ELOVL5: variants seen among roughly 807,000 people sequenced by gnomAD.
ELOVL5 encodes the protein very long chain fatty acid elongase 5.
ELOVL5 carries 8 observed loss-of-function variants against 38.6 expected under a neutral mutation model. The ratio of observed to expected loss-of-function variants is 0.21; its 90% CI spans 0.12 to 0.37. The LOEUF is 0.37. Ranked by LOEUF, ELOVL5 falls within the 10% of genes least tolerant of loss-of-function variation. The pLI, the probability that ELOVL5 is intolerant of heterozygous loss-of-function variation, is 1.00. For missense variants in ELOVL5, 280 were observed against 367.8 expected, an observed-to-expected ratio of 0.76 and a Z score of 1.95; for synonymous variants, 127 against 133.7, an observed-to-expected ratio of 0.95 and a Z score of 0.34.
At chr6:53,306,128 G>C (rs1023805364) in intron 1 of ELOVL5, among the ~76,000 whole-genome samples, 1 of 149,932 alleles carries the variant, frequency 6.7e-6, no homozygotes, top group African/African-American at 2.5e-5. Context: ...CAGGCAGGGA[G>C]GTTGCAGTGA....
chr6:53,276,747 A>C (rs1426035904), intron 3 of ELOVL5, among the ~76,000 whole-genome samples: 4 of 152,094 alleles, frequency 2.6e-5, no homozygotes, highest in Non-Finnish European at 5.9e-5. Context: ...TGTATGTCTA[A>C]CAAGGTCCAG....
intron 1 of ELOVL5, among the ~76,000 whole-genome samples, chr6:53,346,141 T>G (rs971737638): frequency 1.3e-5 from 2 of 152,120 alleles, no homozygotes; most frequent in African/African-American, 4.8e-5. Flanking sequence ...GACTCCCACT[T>G]ATGAGTGAGA....
intron 1 of ELOVL5, among the ~76,000 whole-genome samples, chr6:53,330,331 C>A (rs767101245): frequency 6.6e-6 from 1 of 152,032 alleles, no homozygotes; most frequent in Non-Finnish European, 1.5e-5. Context: ...ATAGACGTTG[C>A]TCTGGATGAG....
chr6:53,331,832 A>C (rs1768817263), intron 1 of ELOVL5, among the ~76,000 whole-genome samples: 1 of 152,210 alleles, frequency 6.6e-6, no homozygotes, highest in South Asian at 2.1e-4. Flanking sequence ...TATCTGAGAC[A>C]GGGTAATTTA....
At chr6:53,298,471 C>A (rs188435254) in intron 1 of ELOVL5, among the ~76,000 whole-genome samples, 8 of 152,186 alleles carry the variant, frequency 5.3e-5, no homozygotes, top group Non-Finnish European at 8.8e-5. Flanking sequence ...GGGTTTGAAA[C>A]CCCCCATTTT....
chr6:53,309,165 C>G (rs962830311), intron 1 of ELOVL5, among the ~76,000 whole-genome samples: 5 of 152,148 alleles, frequency 3.3e-5, no homozygotes, highest in African/African-American at 1.2e-4. Context: ...GTCTATAAAG[C>G]TCTGTGAGAA....
intron 1 of ELOVL5, among the ~76,000 whole-genome samples, chr6:53,312,289 C>T (rs554410651): frequency 7.2e-4 from 110 of 152,238 alleles, no homozygotes; most frequent in African/African-American, 2.5e-3. Flanking sequence ...AAACTAGAAA[C>T]AAACAAGATA....
rs1765808199 is a variant in ELOVL5 at position 53,268,309 on chromosome 6, TA to T, written c.*817del. Reference sequence around the variant, plus strand: ...CAAAATTGACTTTTTGTTTGCTGTATAAAAACACTTAGCACTTCAGAAATTA... The same window carrying T: ...CAAAATTGACTTTTTGTTTGCTGTATAAAACACTTAGCACTTCAGAAATTA... On this transcript the variant is annotated 3_prime_UTR_variant, in exon 8 of 8. Coordinates refer to ENST00000304434, the MANE Select transcript of ELOVL5 (RefSeq NM_021814.5). 1 of 152,150 alleles carries T rather than the reference TA, an allele frequency of 6.6e-6. No individual in the cohort carries two copies. The highest frequency in any genetic ancestry group is 1.5e-5 in the Non-Finnish European group (1 of 68,028). 9.4% of individuals were successfully genotyped at this position (152,150 alleles called of 1,614,324 possible).
chr6:53,293,771 A>G (rs1380538030), intron 2 of ELOVL5, among the ~76,000 whole-genome samples: 3 of 152,158 alleles, frequency 2.0e-5, no homozygotes, highest in Non-Finnish European at 2.9e-5. Flanking sequence ...TGTACACACT[A>G]AACTTTCCCA....
At chr6:53,282,862 C>A (rs564508286) in intron 3 of ELOVL5, among the ~76,000 whole-genome samples, 1 of 152,006 alleles carries the variant, frequency 6.6e-6, no homozygotes, top group South Asian at 2.1e-4. Flanking sequence ...TTTAGGAAAG[C>A]CTGAAGGGAA....
At chr6:53,324,493 T>G (rs1370279926) in intron 1 of ELOVL5, among the ~76,000 whole-genome samples, 1 of 151,134 alleles carries the variant, frequency 6.6e-6, no homozygotes, top group Admixed American at 6.6e-5. Context: ...CTGGGCAACA[T>G]GGAGAAACCC....
chr6:53,330,448 ATTTTAAAATTTT>A (rs1395157841), intron 1 of ELOVL5, among the ~76,000 whole-genome samples: 7 of 130,562 alleles, frequency 5.4e-5, no homozygotes, highest in Non-Finnish European at 1.0e-4. Context: ...CACTAAATTT[ATTTTAAAATTTT>A]TTCTTCCTCA....
At chr6:53,274,866 C>G (rs147618754) in intron 5 of ELOVL5, among the ~76,000 whole-genome samples, 1 of 152,258 alleles carries the variant, frequency 6.6e-6, no homozygotes, top group South Asian at 2.1e-4. Context: ...TAATATGTCC[C>G]CAGTGGTATC....
At chr6:53,302,253 A>G (rs1192462045) in intron 1 of ELOVL5, among the ~76,000 whole-genome samples, 1 of 152,236 alleles carries the variant, frequency 6.6e-6, no homozygotes, top group Non-Finnish European at 1.5e-5. Flanking sequence ...GCCCAGGTGA[A>G]TCACGTGTGG....
At chr6:53,282,105 A>G (rs913316538) in intron 3 of ELOVL5, among the ~76,000 whole-genome samples, 4 of 152,190 alleles carry the variant, frequency 2.6e-5, no homozygotes, top group Non-Finnish European at 5.9e-5. Flanking sequence ...TAAGCATTAG[A>G]TTAGTTAGCC....
chr6:53,309,775 C>A (rs1206561505), intron 1 of ELOVL5, among the ~76,000 whole-genome samples: 6 of 152,176 alleles, frequency 3.9e-5, no homozygotes, highest in African/African-American at 1.4e-4. Context: ...GCAAACAGTC[C>A]TAGGGAGAGG....
At position 53,273,229 on chromosome 6, in the gene ELOVL5, C is replaced by A; in HGVS notation, c.612G>T (p.Gln204His). ...PYLWWKKYIT[Q>H]GQLLQFVLTI... ...AGGCCAAGTCACTCACCAGCTGCCC[C>A]TGAGTGATGTACTTCTTCCACCAGA... The change falls in exon 6 of 8, where the codon CAG becomes CAT. Residue 204 changes from glutamine to histidine, a missense_variant. By Grantham distance (24) the Gln-to-His change is conservative (BLOSUM62 0). Transcript: ENST00000304434. 1 of 1,613,674 alleles carries A rather than the reference C, an allele frequency of 6.2e-7. No individual in the cohort carries two copies. The highest frequency in any genetic ancestry group is 2.2e-5 in the East Asian group (1 of 44,856).
At chr6:53,311,373 G>C (rs1379776931) in intron 1 of ELOVL5, among the ~76,000 whole-genome samples, 6 of 152,204 alleles carry the variant, frequency 3.9e-5, no homozygotes, top group African/African-American at 1.4e-4. Flanking sequence ...TCAGGCGCTT[G>C]CTGTTGGCGG....
chr6:53,327,220 G>A (rs1276278251), intron 1 of ELOVL5, among the ~76,000 whole-genome samples: 3 of 152,070 alleles, frequency 2.0e-5, no homozygotes, highest in African/African-American at 7.2e-5. Flanking sequence ...CAGGCTGGAA[G>A]CTATAGTCAC....
Sources: gnomAD v4.1 joint callset for allele counts (sites outside exome capture counted in the v4.1 genomes callset) on GRCh38, gnomAD v4.1.1 for gene constraint, MANE v1.5 for transcripts, NCBI Gene and HGNC (gene_info 2026-07-23, HGNC 2026-07-21) for gene names.